Variants in TENM4 observed in about 807,000 individuals in gnomAD.
TENM4 encodes teneurin transmembrane protein 4.
TENM4 carries 82 observed loss-of-function variants against 243.3 expected under a neutral mutation model. The ratio of observed to expected loss-of-function variants is 0.34; its 90% CI spans 0.28 to 0.40. The LOEUF (loss-of-function observed/expected upper bound fraction) is 0.40. TENM4 is among the 10% of genes least tolerant of loss of function. The pLI, the probability that TENM4 is intolerant of heterozygous loss-of-function variation, is 1.00. For missense variants in TENM4, 3,138 were observed against 3,673.3 expected (o/e 0.85, Z 3.77); for synonymous variants, 1,412 against 1,456.3 (o/e 0.97, Z 0.69).
chr11:79,356,758 T>TA (rs34232430), intron 1 of TENM4, among the ~76,000 whole-genome samples: 18 of 149,296 alleles, frequency 1.2e-4, no homozygotes, highest in South Asian at 4.2e-4. Context: ...TTGTATTGGG[T>TA]AAAAAAAAAA....
At chr11:79,158,501 T>G (rs895462951) in intron 3 of TENM4, among the ~76,000 whole-genome samples, 38 of 152,184 alleles carry the variant, frequency 2.5e-4, no homozygotes, top group African/African-American at 9.2e-4. Context: ...AACCCTTGCA[T>G]TGGTGCAATG....
intron 6 of TENM4, among the ~76,000 whole-genome samples, chr11:79,050,428 C>T (rs947024705): frequency 3.3e-5 from 5 of 152,144 alleles, no homozygotes; most frequent in South Asian, 2.1e-4. Context: ...GAGAGAGAGA[C>T]GCCTGGAGGC....
intron 13 of TENM4, 47 bp from the exon 14 acceptor site, chr11:78,812,363 C>A: frequency 6.5e-7 from 1 of 1,531,700 alleles, no homozygotes; most frequent in Non-Finnish European, 8.8e-7. Context: ...GTCCAGCACA[C>A]CCCAACTGCC....
chr11:79,342,556 G>A (rs1335542704), intron 1 of TENM4, among the ~76,000 whole-genome samples: 1 of 152,120 alleles, frequency 6.6e-6, no homozygotes, highest in Non-Finnish European at 1.5e-5. Context: ...GAACATCCAA[G>A]GGGCTCCAAA....
chr11:78,923,654 C>T (rs1198044726), intron 6 of TENM4, among the ~76,000 whole-genome samples: 1 of 147,846 alleles, frequency 6.8e-6, no homozygotes, highest in Non-Finnish European at 1.5e-5. Context: ...TCTCCTGTCT[C>T]AGCCTCCTAA....
rs922442839 is a variant in TENM4 at position 79,069,867 on chromosome 11, G to A, written c.78C>T (p.Ser26=). ...RDAERRYTSS[S]ADSEEGKAPQ... is the part of the protein sequence containing the mutation. Reference sequence around the variant, plus strand: ...GGGCTTTGCCCTCCTCGCTGTCCGCGGACGAGCTGGTGTAGCGGCGCTCGG... The same window carrying A: ...GGGCTTTGCCCTCCTCGCTGTCCGCAGACGAGCTGGTGTAGCGGCGCTCGG... The change falls in exon 5 of 34, where the codon TCC becomes TCT. Residue 26 remains serine (S), a synonymous_variant. Coordinates refer to ENST00000278550, the MANE Select transcript of TENM4 (RefSeq NM_001098816.3). The A allele has an allele frequency of 3.2e-6, 5 of 1,549,938 alleles. No individual in the cohort carries two copies. The highest frequency in any genetic ancestry group is 4.9e-5 in the East Asian group (2 of 40,932).
rs559169028 is a variant in TENM4, at chr11:79,190,038, A to G, written c.-163+25770T>C. 6.8e-4 allele frequency among the ~76,000 whole-genome samples: 104 copies of G among 152,306 alleles called. 1 individual carries two copies. Among genetic ancestry groups the G allele is most frequent in the African/African-American group, 2.3e-3 (96 of 41,562 alleles). ...CTTTTTAAAGGGGGAGCCTTCTGGAACCTTCAGTCCAAGCAACGTGAATCT... is the reference window on the plus strand; with the variant it reads ...CTTTTTAAAGGGGGAGCCTTCTGGAGCCTTCAGTCCAAGCAACGTGAATCT... On this transcript the variant is annotated intron_variant, in intron 3 of 33. Coordinates refer to ENST00000278550, the MANE Select transcript of TENM4 (RefSeq NM_001098816.3).
At chr11:79,054,478 G>A (rs1591245037) in intron 6 of TENM4, among the ~76,000 whole-genome samples, 1 of 152,032 alleles carries the variant, frequency 6.6e-6, no homozygotes, top group East Asian at 1.9e-4. Context: ...CATTCACAAG[G>A]TCCAGGCATA....
chr11:78,816,057 G>C (rs1024272621), intron 12 of TENM4, among the ~76,000 whole-genome samples: 2 of 152,204 alleles, frequency 1.3e-5, no homozygotes, highest in Non-Finnish European at 2.9e-5. Flanking sequence ...TACAGGCCTT[G>C]ACCGCTCTGT....
At chr11:78,954,678 T>C (rs779557734) in intron 6 of TENM4, among the ~76,000 whole-genome samples, 1 of 152,174 alleles carries the variant, frequency 6.6e-6, no homozygotes, top group African/African-American at 2.4e-5. Context: ...ACACTTGCCA[T>C]ATGGCAAGTG....
intron 3 of TENM4, among the ~76,000 whole-genome samples, chr11:79,214,869 G>T (rs923365848): frequency 2.6e-5 from 4 of 152,242 alleles, no homozygotes; most frequent in Admixed American, 2.6e-4. Flanking sequence ...AAGTCACTAG[G>T]TAGAGCAAAG....
At chr11:78,716,836 C>T (rs1321340001) in intron 25 of TENM4, among the ~76,000 whole-genome samples, 1 of 152,232 alleles carries the variant, frequency 6.6e-6, no homozygotes, top group African/African-American at 2.4e-5. Context: ...GTCCACATTT[C>T]TAACAATCCC....
intron 9 of TENM4, among the ~76,000 whole-genome samples, chr11:78,886,994 AG>A (rs1249695397): frequency 1.3e-5 from 2 of 152,200 alleles, no homozygotes; most frequent in East Asian, 3.8e-4. Context: ...GTTTCCCAAC[AG>A]GTAAGCTTCT....
chr11:79,164,247 T>C (rs1403218095), intron 3 of TENM4, among the ~76,000 whole-genome samples: 3 of 109,338 alleles, frequency 2.7e-5, no homozygotes, highest in African/African-American at 1.5e-4. Context: ...GTATATATAG[T>C]ATATATAGTA....
intron 12 of TENM4, among the ~76,000 whole-genome samples, chr11:78,845,652 T>A (rs1858374389): frequency 6.6e-6 from 1 of 152,008 alleles, no homozygotes; most frequent in South Asian, 2.1e-4. Flanking sequence ...CACATATCAG[T>A]GGTGCTGTAA....
intron 9 of TENM4, among the ~76,000 whole-genome samples, chr11:78,865,283 A>G (rs1858940833): frequency 6.6e-6 from 1 of 152,222 alleles, no homozygotes; most frequent in Non-Finnish European, 1.5e-5. Flanking sequence ...AAGACTAATT[A>G]ACACACGCAA....
intron 22 of TENM4, among the ~76,000 whole-genome samples, chr11:78,726,883 A>C (rs940113386): frequency 1.5e-4 from 23 of 152,226 alleles, no homozygotes; most frequent in Admixed American, 1.4e-3. Flanking sequence ...TAAATTGCCC[A>C]GTCTCAGGTA....
chr11:79,273,187 T>C (rs1176818380), intron 2 of TENM4, among the ~76,000 whole-genome samples: 1 of 152,238 alleles, frequency 6.6e-6, no homozygotes, highest in East Asian at 1.9e-4. Context: ...CTGCCATGCA[T>C]AATTGTTGCA....
intron 1 of TENM4, among the ~76,000 whole-genome samples, chr11:79,298,412 G>T (rs1446100437): frequency 1.3e-5 from 2 of 150,962 alleles, no homozygotes; most frequent in Admixed American, 1.3e-4. Flanking sequence ...CTACTCGGGA[G>T]GCTGAGGCAG....
Sources: gnomAD v4.1 joint callset for allele counts (sites outside exome capture counted in the v4.1 genomes callset) on GRCh38, gnomAD v4.1.1 for gene constraint, MANE v1.5 for transcripts, NCBI Gene and HGNC (gene_info 2026-07-23, HGNC 2026-07-21) for gene names.